Variants in MOSMO observed in about 807,000 individuals in gnomAD.
MOSMO encodes the protein modulator of smoothened.
A neutral mutation model predicts 18.4 loss-of-function variants in MOSMO; 5 were observed. The ratio of observed to expected loss-of-function variants is 0.27; its 90% CI spans 0.14 to 0.57. MOSMO has a LOEUF of 0.57. MOSMO is among the 20% of genes least tolerant of loss of function. MOSMO has a pLI of 0.92. For missense variants in MOSMO, 138 were observed against 211.8 expected (o/e 0.65, Z 2.16); for synonymous variants, 82 against 82.3 (o/e 1.00, Z 0.02).
rs1272683185 is a variant in MOSMO at position 22,033,328 on chromosome 16, AT to A, written c.106+24924del. ...ATCTATGAGTATGAAATGTCTTTCT[AT>A]TTATTAAATCTTTAGTTTCAGCAAC... On this transcript the variant is annotated intron_variant, in intron 1 of 2. Transcript: ENST00000542527. Among the ~76,000 whole-genome samples the A allele has an allele frequency of 1.4e-4, 21 of 152,288 alleles. No individual in the cohort carries two copies. In the South Asian group the frequency reaches 2.3e-3, roughly 17 times the overall value.
chr16:22,049,226 G>A (rs117589940), intron 1 of MOSMO, among the ~76,000 whole-genome samples: 3 of 151,930 alleles, frequency 2.0e-5, no homozygotes, highest in Admixed American at 6.5e-5. Flanking sequence ...AACAAACCAG[G>A]TTCTCATTCT....
chr16:22,038,286 A>G (rs960829760), intron 1 of MOSMO, among the ~76,000 whole-genome samples: 4 of 152,258 alleles, frequency 2.6e-5, no homozygotes, highest in Non-Finnish European at 4.4e-5. Context: ...CCTCATTCAC[A>G]GTGGGTTGCA....
At chr16:22,032,422 C>T (rs1411520420) in intron 1 of MOSMO, among the ~76,000 whole-genome samples, 1 of 152,140 alleles carries the variant, frequency 6.6e-6, no homozygotes, top group East Asian at 1.9e-4. Context: ...GAACTCCTGG[C>T]CTCAAGTGAT....
chr16:22,077,991 T>C (rs1046745180), intron 2 of MOSMO, among the ~76,000 whole-genome samples: 1 of 152,120 alleles, frequency 6.6e-6, no homozygotes, highest in Non-Finnish European at 1.5e-5. Flanking sequence ...TTCATAATAA[T>C]GTAAGGGTGA....
At chr16:22,089,156 G>A (rs1329071483), downstream of MOSMO, among the ~76,000 whole-genome samples, 4 of 152,012 alleles carry the variant, frequency 2.6e-5, no homozygotes, top group Non-Finnish European at 4.4e-5. Flanking sequence ...CTGCAGCCTC[G>A]ACCTCCTGGG....
intron 1 of MOSMO, among the ~76,000 whole-genome samples, chr16:22,067,377 T>C (rs986375767): frequency 2.0e-5 from 3 of 152,158 alleles, no homozygotes; most frequent in African/African-American, 7.2e-5. Flanking sequence ...AGATTCTAAG[T>C]AGGATAGACT....
chr16:22,040,733 A>T (rs879612736), intron 1 of MOSMO, among the ~76,000 whole-genome samples: 1 of 152,226 alleles, frequency 6.6e-6, no homozygotes, highest in Non-Finnish European at 1.5e-5. Flanking sequence ...TTCTAGAAAG[A>T]ATAAAGGGCC....
At chr16:22,015,802 A>G (rs1160067143) in intron 1 of MOSMO, among the ~76,000 whole-genome samples, 1 of 152,184 alleles carries the variant, frequency 6.6e-6, no homozygotes, top group Non-Finnish European at 1.5e-5. Flanking sequence ...GAGCCACTTC[A>G]GAATTAAGAC....
chr16:22,079,080 G>T (rs1417776254), intron 2 of MOSMO, among the ~76,000 whole-genome samples: 1 of 152,144 alleles, frequency 6.6e-6, no homozygotes, highest in Non-Finnish European at 1.5e-5. Context: ...TTAAGCAAAT[G>T]TTTTTTCTCA....
intron 1 of MOSMO, among the ~76,000 whole-genome samples, chr16:22,065,596 T>A (rs1900733722): frequency 6.6e-6 from 1 of 152,232 alleles, no homozygotes; most frequent in South Asian, 2.1e-4. Flanking sequence ...TTGGTGTGTC[T>A]TGTACTGTCC....
At chr16:22,012,351 G>T (rs1899549453) in intron 1 of MOSMO, among the ~76,000 whole-genome samples, 2 of 152,120 alleles carry the variant, frequency 1.3e-5, no homozygotes, top group African/African-American at 2.4e-5. Flanking sequence ...GTAAAGTAGG[G>T]ATAATAAAAG....
chr16:22,078,977 A>C (rs757383779), intron 2 of MOSMO, among the ~76,000 whole-genome samples: 1 of 152,256 alleles, frequency 6.6e-6, no homozygotes, highest in Non-Finnish European at 1.5e-5. Context: ...TCATTTGCCC[A>C]AAATGAAATA....
In MOSMO at chr16:22,055,168, C is replaced by T. The variant is rs16972580; in HGVS notation, c.107-20319C>T. Reference sequence around the variant, plus strand: ...ACATCATACATCAGTGTATTACCAACGGCCACTGCAAGGATTGATGCTGTT... The same window carrying T: ...ACATCATACATCAGTGTATTACCAATGGCCACTGCAAGGATTGATGCTGTT... On this transcript the variant is annotated intron_variant, in intron 1 of 2. Coordinates refer to ENST00000542527, the MANE Select transcript of MOSMO (RefSeq NM_001164579.2). Among the ~76,000 whole-genome samples the T allele has an allele frequency of 1.6e-3, 243 of 152,242 alleles. 2 individuals carry two copies. The highest frequency in any genetic ancestry group is 5.7e-3 in the African/African-American group (235 of 41,552).
intron 1 of MOSMO, among the ~76,000 whole-genome samples, chr16:22,008,745 TAAAAA>T (rs71151659): frequency 1.5e-5 from 2 of 132,160 alleles, no homozygotes; most frequent in Non-Finnish European, 1.6e-5. Flanking sequence ...CGTTCTGGAT[TAAAAA>T]AAAAAAAAAA....
intron 1 of MOSMO, among the ~76,000 whole-genome samples, chr16:22,073,928 G>C (rs1273528426): frequency 1.3e-5 from 2 of 152,116 alleles, no homozygotes; most frequent in East Asian, 3.9e-4. Context: ...AAAAAGTACA[G>C]CTTGTTTATT....
At chr16:22,080,481 C>G (rs1168246433) in intron 2 of MOSMO, among the ~76,000 whole-genome samples, 1 of 152,092 alleles carries the variant, frequency 6.6e-6, no homozygotes, top group East Asian at 1.9e-4. Context: ...CAGAATTGTC[C>G]TAAAACTTAC....
chr16:22,008,289 G>A lies in MOSMO; in HGVS notation c.-13G>A. ...GTCCGGGGCTCGGGGGGTGGGGGGAGCGGGGCGGGGAGATGGATAAACTGA... is the reference window on the plus strand; with the variant it reads ...GTCCGGGGCTCGGGGGGTGGGGGGAACGGGGCGGGGAGATGGATAAACTGA... On this transcript the variant is annotated 5_prime_UTR_variant, in exon 1 of 3. Coordinates refer to ENST00000542527, the MANE Select transcript of MOSMO (RefSeq NM_001164579.2). 6.8e-7 allele frequency: 1 copy of A among 1,471,208 alleles called. No homozygotes were observed. Among genetic ancestry groups the A allele is most frequent in the Non-Finnish European group, 9.1e-7 (1 of 1,102,904 alleles). 91.1% of individuals were successfully genotyped at this position (1,471,208 alleles called of 1,614,324 possible). A position where few individuals can be genotyped will look rare whatever the true frequency, so the allele number is the denominator to read the frequency against.
At chr16:22,046,265 T>G (rs1490220215) in intron 1 of MOSMO, among the ~76,000 whole-genome samples, 1 of 152,218 alleles carries the variant, frequency 6.6e-6, no homozygotes, top group African/African-American at 2.4e-5. Flanking sequence ...TTTTTTAAAC[T>G]TTAGTAATAC....
intron 1 of MOSMO, among the ~76,000 whole-genome samples, chr16:22,055,553 T>C (rs531118586): frequency 2.0e-5 from 3 of 152,296 alleles, no homozygotes; most frequent in Admixed American, 6.5e-5. Context: ...TGCATCCTCC[T>C]TGTGCTTAGA....
Sources: allele counts gnomAD v4.1 joint callset (sites outside exome capture counted in the v4.1 genomes callset), GRCh38; gene constraint gnomAD v4.1.1; transcripts MANE v1.5; gene names NCBI Gene and HGNC (gene_info 2026-07-23, HGNC 2026-07-21).